NAV3: variants seen among roughly 807,000 people sequenced by gnomAD.
NAV3 encodes neuron navigator 3.
In NAV3, 87 loss-of-function variants were observed where a neutral mutation model predicts 244.7. The observed-to-expected ratio is 0.36, with a 90% CI of 0.30 to 0.42. NAV3 has a LOEUF of 0.42. Ranked by LOEUF, NAV3 falls within the 20% of genes least tolerant of loss-of-function variation. NAV3 has a pLI of 1.00. For missense variants in NAV3, 2,663 were observed against 2,893.3 expected (o/e 0.92, Z 1.83); for synonymous variants, 1,126 against 1,042.2 (o/e 1.08, Z -1.55).
rs546945150 is a variant in NAV3, at chr12:77,689,852, T to TTAATATTG, written c.72+117587_72+117588insAATATTGT. On this transcript the variant is annotated intron_variant, in intron 2 of 8. Coordinates refer to the NAV3 transcript ENST00000550042. ...TCATAAACTTTAATATTTTAATATT[T>TTAATATTG]TTAGAAATCATACTGGAAGTAATTA... Among the ~76,000 whole-genome samples the TTAATATTG allele has an allele frequency of 1.8e-4, 28 of 151,976 alleles. No homozygotes were observed. The East Asian group carries it at 5.4e-3, about 29-fold the overall frequency.
At chr12:77,878,400 G>A (rs1882142868) in intron 1 of NAV3, among the ~76,000 whole-genome samples, 1 of 151,636 alleles carries the variant, frequency 6.6e-6, no homozygotes. Flanking sequence ...TAATTTTGGG[G>A]GTATTTTTAG....
chr12:77,695,664 A>G lies in NAV3; in HGVS notation c.72+123398A>G, dbSNP rs575668215. 2.0e-5 allele frequency among the ~76,000 whole-genome samples: 3 copies of G among 152,286 alleles called. No individual in the cohort carries two copies. In the East Asian group the frequency reaches 5.8e-4, roughly 29 times the overall value. ...GAGTATGGTTCCTAATTTATCATGT[A>G]CAAAACTCTAAATGCCCCTCTCCTC... is the stretch of plus-strand genomic sequence containing the variant. On this transcript the variant is annotated intron_variant, in intron 2 of 8. Coordinates refer to the NAV3 transcript ENST00000550042.
At position 78,006,600 on chromosome 12, in the gene NAV3, T is replaced by C. The variant is rs1406334350; in HGVS notation, c.1062T>C (p.Ser354=). The change falls in exon 8 of 40, where the codon AGT becomes AGC. Residue 354 remains serine (S), a synonymous_variant. Transcript: ENST00000397909. ...TSTMLTVKQS[S]TATSPTPSSD... is the part of the protein sequence containing the mutation. The stretch of plus-strand genomic sequence containing the variant: ...CCATGTTGACTGTAAAGCAGTCAAG[T>C]ACAGCCACCTCCCCCACACCATCTT... The C allele has an allele frequency of 6.2e-7, 1 of 1,614,074 alleles. No individual in the cohort carries two copies. The highest frequency in any genetic ancestry group is 1.7e-5 in the Admixed American group (1 of 60,006).
At chr12:77,753,830 C>A (rs1404906812) in intron 2 of NAV3, among the ~76,000 whole-genome samples, 2 of 152,108 alleles carry the variant, frequency 1.3e-5, no homozygotes, top group African/African-American at 4.8e-5. Context: ...TTGGTACTTA[C>A]TGAGGAAAGG....
At chr12:77,587,058 C>T (rs1869648329) in intron 2 of NAV3, among the ~76,000 whole-genome samples, 1 of 151,994 alleles carries the variant, frequency 6.6e-6, no homozygotes, top group African/African-American at 2.4e-5. Flanking sequence ...GTGAAAGTAA[C>T]CAGAAGCTCC....
chr12:78,178,058 A>C (rs1958322676), intron 28 of NAV3, among the ~76,000 whole-genome samples: 1 of 152,010 alleles, frequency 6.6e-6, no homozygotes, highest in African/African-American at 2.4e-5. Flanking sequence ...TTTAATTTAA[A>C]AATTAGGCAC....
intron 2 of NAV3, among the ~76,000 whole-genome samples, chr12:77,788,319 T>C (rs555475826): frequency 6.6e-6 from 1 of 152,238 alleles, no homozygotes; most frequent in Non-Finnish European, 1.5e-5. Context: ...CAGGTTTAAA[T>C]GCGGCATTTA....
intron 10 of NAV3, among the ~76,000 whole-genome samples, chr12:78,050,354 C>T (rs1382399510): frequency 2.0e-5 from 3 of 152,122 alleles, no homozygotes; most frequent in African/African-American, 7.2e-5. Context: ...CAACTACCAC[C>T]ATCACTGTTA....
At chr12:77,577,346 G>A (rs1315017493) in intron 2 of NAV3, among the ~76,000 whole-genome samples, 1 of 152,112 alleles carries the variant, frequency 6.6e-6, no homozygotes, top group Non-Finnish European at 1.5e-5. Flanking sequence ...AACTTGGATA[G>A]AACCTCCTTT....
intron 5 of NAV3, among the ~76,000 whole-genome samples, chr12:77,981,895 T>C (rs1398485976): frequency 6.6e-6 from 1 of 152,180 alleles, no homozygotes; most frequent in Non-Finnish European, 1.5e-5. Context: ...TGTCTCACTA[T>C]ATACGGATTC....
intron 28 of NAV3, among the ~76,000 whole-genome samples, chr12:78,178,394 C>T (rs1016461754): frequency 2.0e-5 from 3 of 151,940 alleles, no homozygotes; most frequent in Non-Finnish European, 2.9e-5. Context: ...CTCCTGACCT[C>T]AAGTGATTCA....
intron 11 of NAV3, among the ~76,000 whole-genome samples, chr12:78,052,479 A>G (rs1453972431): frequency 6.6e-6 from 1 of 152,204 alleles, no homozygotes; most frequent in Non-Finnish European, 1.5e-5. Flanking sequence ...GTCATCTAGA[A>G]TAAGGATAAA....
At position 77,917,070 on chromosome 12, in the gene NAV3, A is replaced by G. The variant is rs534401443; in HGVS notation, c.244-23249A>G. On this transcript the variant is annotated intron_variant, in intron 1 of 39. Transcript: ENST00000397909. ...AAAAATCATAATGAAAAAGAAAACT[A>G]GCAATGTAAAAATCTGACATATTAT... 2.0e-5 allele frequency among the ~76,000 whole-genome samples: 3 copies of G among 152,152 alleles called. No homozygotes were observed. In the South Asian group the frequency reaches 6.2e-4, roughly 32 times the overall value.
At chr12:78,026,829 G>C (rs1878138051) in intron 9 of NAV3, among the ~76,000 whole-genome samples, 1 of 152,056 alleles carries the variant, frequency 6.6e-6, no homozygotes, top group African/African-American at 2.4e-5. Flanking sequence ...TTAATATAAT[G>C]GATGTAGCAT....
chr12:78,022,819 G>C (rs1277115442), intron 9 of NAV3, among the ~76,000 whole-genome samples: 1 of 152,110 alleles, frequency 6.6e-6, no homozygotes, highest in African/African-American at 2.4e-5. Flanking sequence ...TCCTGCAGTG[G>C]ATACTGACAA....
chr12:77,996,023 A>G (rs1025100138), intron 6 of NAV3, among the ~76,000 whole-genome samples: 30 of 152,102 alleles, frequency 2.0e-4, no homozygotes, highest in African/African-American at 7.2e-4. Context: ...AGAAGAGCAA[A>G]TGTATTTTTA....
intron 1 of NAV3, among the ~76,000 whole-genome samples, chr12:77,939,795 A>G (rs1174524374): frequency 6.6e-6 from 1 of 152,202 alleles, no homozygotes; most frequent in Non-Finnish European, 1.5e-5. Context: ...ATGGAAGACG[A>G]CAATCCAAAT....
chr12:78,124,445 TGTTA>T (rs1955816846), intron 16 of NAV3, among the ~76,000 whole-genome samples: 1 of 151,976 alleles, frequency 6.6e-6, no homozygotes. Context: ...ATTTATGTTA[TGTTA>T]TGTTATGTTA....
intron 2 of NAV3, among the ~76,000 whole-genome samples, chr12:77,780,960 G>A (rs1870634360): frequency 1.3e-5 from 2 of 152,110 alleles, no homozygotes. Context: ...TGTATCCTTG[G>A]CTCTGGCTTA....
Sources: gnomAD v4.1 joint callset for allele counts (sites outside exome capture counted in the v4.1 genomes callset) on GRCh38, gnomAD v4.1.1 for gene constraint, MANE v1.5 for transcripts, NCBI Gene and HGNC (gene_info 2026-07-23, HGNC 2026-07-21) for gene names.